Variants in HHIPL1 observed in about 807,000 individuals in gnomAD.
The protein encoded by HHIPL1 is HHIP like 1, also known as HHIP-like protein 1.
A neutral mutation model predicts 61.8 loss-of-function variants in HHIPL1; 43 were observed. The ratio of observed to expected loss-of-function variants is 0.70; its 90% CI spans 0.55 to 0.90. The LOEUF is 0.90. Among genes scored for constraint, HHIPL1 ranks in the 40% least tolerant of loss-of-function variants. The pLI is 0.00. For missense variants in HHIPL1, 1,056 were observed against 1,157.7 expected (o/e 0.91, Z 1.28); for synonymous variants, 482 against 515.8 (o/e 0.93, Z 0.89).
chr14:99,667,553 C>T (rs1462069817), intron 6 of HHIPL1, among the ~76,000 whole-genome samples: 1 of 152,086 alleles, frequency 6.6e-6, no homozygotes, highest in Non-Finnish European at 1.5e-5. Context: ...CACACAGCTG[C>T]TGGAGATCAC....
chr14:99,619,886 C>T, the HHIPL1 span, among the ~76,000 whole-genome samples: 1 of 152,126 alleles, frequency 6.6e-6, no homozygotes, highest in South Asian at 2.1e-4. Context: ...GGGGTAAGTT[C>T]CCAGAAGTGG....
Position 99,660,436 on chromosome 14 carries a change from G to A in HHIPL1, c.1502+30G>A, listed in dbSNP as rs745698840. On this transcript the variant is annotated intron_variant, in intron 5 of 8. Transcript: ENST00000330710. The surrounding 1 kb of genome is among the most constrained non-coding windows in gnomAD (Gnocchi z 4.9). ...GTGACCTAGTGCCCTCGCGCCCCTG[G>A]CTGCTGCCACTGGCTCCTTGGGACT... 2.8e-5 allele frequency: 45 copies of A among 1,597,532 alleles called. No homozygotes were observed. The highest frequency in any genetic ancestry group is 3.3e-5 in the Non-Finnish European group (38 of 1,168,884).
chr14:99,672,224 G>T, intron 7 of HHIPL1, 93 bp from the exon 8 acceptor site: 1 of 921,280 alleles, frequency 1.1e-6, no homozygotes, highest in Admixed American at 2.0e-5. Context: ...TGTTACTATC[G>T]TTGCTGTTCA....
intron 6 of HHIPL1, among the ~76,000 whole-genome samples, chr14:99,666,507 C>T (rs916812336): frequency 3.3e-5 from 5 of 152,170 alleles, no homozygotes; most frequent in African/African-American, 1.2e-4. Flanking sequence ...TGACTATGAA[C>T]GCCTGGTTAT....
the HHIPL1 span, among the ~76,000 whole-genome samples, chr14:99,620,085 A>C: frequency 2.6e-5 from 4 of 152,234 alleles, no homozygotes; most frequent in African/African-American, 9.6e-5. Flanking sequence ...CAGCTGGATG[A>C]TGCGTTCACG....
rs1229261290 is a variant in HHIPL1 at position 99,675,462 on chromosome 14, G to A, written c.2185G>A (p.Glu729Lys). ...AYAVRAVKRA[E>K]FGQGGSLPIL... Reference sequence around the variant, plus strand: ...CGCCGTGCGCGCCGTCAAGAGAGCCGAGTTCGGCCAGGGCGGCTCGCTGCC... The same window carrying A: ...CGCCGTGCGCGCCGTCAAGAGAGCCAAGTTCGGCCAGGGCGGCTCGCTGCC... Residue 729 changes from glutamate (E) to lysine (K), a missense_variant, in exon 9 of 9, where the codon GAG (glutamate) becomes AAG (lysine). Transcript: ENST00000330710. This position sits in a 1 kb window ranked among gnomAD's most constrained non-coding sequence, Gnocchi z 5.4. 8 of 1,540,332 alleles carry A rather than the reference G, an allele frequency of 5.2e-6. No homozygotes were observed. In the East Asian group the frequency reaches 1.2e-4, roughly 24 times the overall value.
At chr14:99,616,709 A>C in the HHIPL1 span, among the ~76,000 whole-genome samples, 2 of 152,106 alleles carry the variant, frequency 1.3e-5, no homozygotes, top group Admixed American at 6.5e-5. Context: ...AACTCTGTGC[A>C]TGTGTTTTTA....
In HHIPL1 at chr14:99,660,374, C is replaced by T. The variant is rs1378901493; in HGVS notation, c.1470C>T (p.Asn490=). The change falls in exon 5 of 9, where the codon AAC becomes AAT. Residue 490 remains asparagine (N), a synonymous_variant. Coordinates refer to ENST00000330710, the MANE Select transcript of HHIPL1 (RefSeq NM_001127258.3). This position sits in a 1 kb window ranked among gnomAD's most constrained non-coding sequence, Gnocchi z 4.9. ...GGGGCTGCGAGTACCCCAACCTGAACGGCCTCTACATTTTTGGGGATTTCA... is the reference window on the plus strand; with the variant it reads ...GGGGCTGCGAGTACCCCAACCTGAATGGCCTCTACATTTTTGGGGATTTCA... ...VYRGCEYPNL[N]GLYIFGDFMS... is the part of the protein sequence containing the mutation. 3.1e-6 allele frequency: 5 copies of T among 1,613,832 alleles called. No homozygotes were observed. The highest frequency in any genetic ancestry group is 2.7e-5 in the African/African-American group (2 of 74,922).
At position 99,645,227 on chromosome 14, in the gene HHIPL1, G is replaced by C. The variant is rs1458565604; in HGVS notation, c.20G>C (p.Gly7Ala). 1.5e-6 allele frequency: 2 copies of C among 1,325,668 alleles called. No individual in the cohort carries two copies. The allele number at this position is 1,325,668 out of a possible 1,614,324, so 82.1% of individuals were successfully genotyped here. A position where few individuals can be genotyped will look rare whatever the true frequency, so the allele number is the denominator to read the frequency against. ...GTAGCGATGGCCCGGGCCAGGGCCGGGGCGCTGCTGGCGCTTTGGGTGCTC... is the reference window on the plus strand; with the variant it reads ...GTAGCGATGGCCCGGGCCAGGGCCGCGGCGCTGCTGGCGCTTTGGGTGCTC... MARARA[G>A]ALLALWVLGA... The change falls in exon 1 of 9, where the codon GGG becomes GCG. Residue 7 changes from glycine to alanine, a missense_variant. Physicochemically the swap from Gly to Ala is moderately conservative, Grantham distance 60. Transcript: ENST00000330710.
intron 6 of HHIPL1, among the ~76,000 whole-genome samples, chr14:99,667,076 G>A (rs1250695883): frequency 2.7e-5 from 4 of 150,338 alleles, no homozygotes; most frequent in Admixed American, 6.6e-5. Context: ...CAGCCTCTCC[G>A]TGGGGAAACC....
chr14:99,628,318 G>A, the HHIPL1 span, among the ~76,000 whole-genome samples: 2 of 152,116 alleles, frequency 1.3e-5, no homozygotes, highest in African/African-American at 4.8e-5. Flanking sequence ...GGTGGCTCAC[G>A]CCTGTCATCC....
At chr14:99,615,413 G>A in the HHIPL1 span, among the ~76,000 whole-genome samples, 2 of 152,050 alleles carry the variant, frequency 1.3e-5, no homozygotes, top group African/African-American at 2.4e-5. Flanking sequence ...GCTTGGTGGT[G>A]CATGCCTGTG....
At chr14:99,653,880 T>G (rs1200618571) in intron 2 of HHIPL1, among the ~76,000 whole-genome samples, 1 of 152,220 alleles carries the variant, frequency 6.6e-6, no homozygotes, top group Non-Finnish European at 1.5e-5. Context: ...GGGAGTCAGT[T>G]ACTCATGTGT....
At chr14:99,616,207 A>G in the HHIPL1 span, among the ~76,000 whole-genome samples, 1 of 152,222 alleles carries the variant, frequency 6.6e-6, no homozygotes, top group Non-Finnish European at 1.5e-5. Flanking sequence ...GTACAGGTAC[A>G]TGCTGTACAG....
intron 8 of HHIPL1, 84 bp downstream of exon 8, chr14:99,672,483 CT>C: frequency 8.5e-7 from 1 of 1,172,696 alleles, no homozygotes; most frequent in Non-Finnish European, 1.2e-6. Context: ...AGACTCGGGT[CT>C]TACCAGCTGG....
chr14:99,614,707 T>C, the HHIPL1 span, among the ~76,000 whole-genome samples: 5 of 152,190 alleles, frequency 3.3e-5, no homozygotes, highest in African/African-American at 1.2e-4. Flanking sequence ...CTTAGAGATC[T>C]TTCTCTAACG....
intron 1 of HHIPL1, among the ~76,000 whole-genome samples, chr14:99,646,985 T>A (rs569901080): frequency 6.6e-6 from 1 of 152,212 alleles, no homozygotes; most frequent in South Asian, 2.1e-4. Flanking sequence ...CTCGAGGGCT[T>A]CCTTGGCCCT....
chr14:99,637,000 G>GAAGAAAGAAAGAAAGAAAGAAAGAAAGA, the HHIPL1 span, among the ~76,000 whole-genome samples: 1 of 76,980 alleles, frequency 1.3e-5, no homozygotes, highest in Non-Finnish European at 2.4e-5. Context: ...AAGAAAGAAA[G>GAAGAAAGAAAGAAAGAAAGAAAGAAAGA]AAGAAAGAAA....
At chr14:99,669,165 C>T (rs1300853084) in intron 7 of HHIPL1, 2 of 1,340,372 alleles carry the variant, frequency 1.5e-6, no homozygotes, top group African/African-American at 2.9e-5. Context: ...CTCTGGGAGT[C>T]TCAGGGCCAA....
Sources: allele counts gnomAD v4.1 joint callset (sites outside exome capture counted in the v4.1 genomes callset), GRCh38; gene constraint gnomAD v4.1.1; non-coding constraint Gnocchi (gnomAD v3.1); transcripts MANE v1.5; gene names NCBI Gene and HGNC (gene_info 2026-07-23, HGNC 2026-07-21).